Variants in CUX2 observed in about 807,000 individuals in gnomAD.
CUX2 encodes homeobox protein cut-like 2.
CUX2 carries 40 observed loss-of-function variants against 144.8 expected under a neutral mutation model. The observed-to-expected ratio is 0.28, with a 90% CI of 0.21 to 0.36. CUX2 has a LOEUF of 0.36. Among genes scored for constraint, CUX2 ranks in the 10% least tolerant of loss-of-function variants. CUX2 has a pLI of 1.00. For synonymous variants in CUX2, 827 were observed against 875.6 expected (o/e 0.94, Z 0.98); for missense variants, 1,615 against 1,994.0 (o/e 0.81, Z 3.62).
rs116354500 is a variant in CUX2 at position 111,221,231 on chromosome 12, G to A, written c.222+3294G>A. On this transcript the variant is annotated intron_variant, in intron 3 of 21. Coordinates refer to ENST00000261726, the MANE Select transcript of CUX2 (RefSeq NM_015267.4). ...TACATTTGTCTGGAATTTTATTCCC[G>A]AAACCCCTGCTTTTCTCGTGATCTA... 3.6e-3 allele frequency among the ~76,000 whole-genome samples: 545 copies of A among 152,170 alleles called. 2 individuals are homozygous for A. The highest frequency in any genetic ancestry group is 0.012 in the African/African-American group (499 of 41,518).
chr12:111,269,128 G>A (rs1051052045), intron 4 of CUX2, among the ~76,000 whole-genome samples: 1 of 152,182 alleles, frequency 6.6e-6, no homozygotes, highest in African/African-American at 2.4e-5. Flanking sequence ...GAGGCATCAA[G>A]GTTCACAGTA....
intron 4 of CUX2, 74 bp from the exon 5 acceptor site, chr12:111,291,344 A>G: frequency 6.7e-7 from 1 of 1,499,220 alleles, no homozygotes; most frequent in Non-Finnish European, 8.9e-7. Flanking sequence ...GGAACCTGCC[A>G]GGCCCTGCAG....
chr12:111,296,049 C>T (rs1885968187), intron 7 of CUX2, among the ~76,000 whole-genome samples: 1 of 151,440 alleles, frequency 6.6e-6, no homozygotes, highest in Non-Finnish European at 1.5e-5. Context: ...CCCTGTCTTC[C>T]GGCCTGCCAG....
intron 4 of CUX2, among the ~76,000 whole-genome samples, chr12:111,276,887 T>C (rs1224013500): frequency 6.6e-6 from 1 of 152,226 alleles, no homozygotes; most frequent in African/African-American, 2.4e-5. Flanking sequence ...GACCTCGTGA[T>C]CTGCCCGCCT....
chr12:111,347,655 A>G lies in CUX2; in HGVS notation c.3791A>G (p.Glu1264Gly). The G allele has an allele frequency of 7.7e-7, 1 of 1,292,736 alleles. No homozygotes were observed. Among genetic ancestry groups the G allele is most frequent in the East Asian group, 4.5e-5 (1 of 22,232 alleles). 80.1% of individuals were successfully genotyped at this position (1,292,736 alleles called of 1,614,324 possible). A position where few individuals can be genotyped will look rare whatever the true frequency, so the allele number is the denominator to read the frequency against. ...PDPTPQSPDS[E>G]TEDQKPTVKE... Reference sequence around the variant, plus strand: ...CCCACCCCGCAGAGCCCTGACTCTGAGACTGAGGACCAGAAGCCAACCGTG... The same window carrying G: ...CCCACCCCGCAGAGCCCTGACTCTGGGACTGAGGACCAGAAGCCAACCGTG... The change falls in exon 22 of 22, where the codon GAG becomes GGG. Residue 1264 changes from glutamate to glycine, a missense_variant. Glu to Gly is a moderately conservative substitution (Grantham distance 98). This residue lies in a region of CUX2 where 298 missense variants were observed against 330.4 expected (regional missense o/e 0.90). Coordinates refer to ENST00000261726, the MANE Select transcript of CUX2 (RefSeq NM_015267.4).
intron 4 of CUX2, among the ~76,000 whole-genome samples, chr12:111,284,338 C>T (rs1367786271): frequency 2.0e-5 from 3 of 152,164 alleles, no homozygotes; most frequent in African/African-American, 7.2e-5. Context: ...CCGAGGGCAG[C>T]CATACGACTT....
intron 16 of CUX2, among the ~76,000 whole-genome samples, chr12:111,316,142 CTTT>C (rs201009821): frequency 4.5e-5 from 6 of 132,054 alleles, no homozygotes; most frequent in African/African-American, 2.9e-5. Context: ...TAAAATTAAG[CTTT>C]TTTTTTTTTT....
intron 1 of CUX2, among the ~76,000 whole-genome samples, chr12:111,099,281 T>C (rs1360372919): frequency 2.0e-5 from 3 of 152,196 alleles, no homozygotes; most frequent in Non-Finnish European, 4.4e-5. Context: ...AAATCACTGT[T>C]CAGAGTGCCT....
At chr12:111,104,015 G>A (rs1315892063) in intron 1 of CUX2, among the ~76,000 whole-genome samples, 2 of 152,162 alleles carry the variant, frequency 1.3e-5, no homozygotes, top group South Asian at 2.1e-4. Context: ...AAGCCGTTCC[G>A]ACCACCTGGA....
At position 111,259,793 on chromosome 12, in the gene CUX2, CAAAAAAA is replaced by C. The variant is rs770448329; in HGVS notation, c.223-3956_223-3950del. The stretch of plus-strand genomic sequence containing the variant: ...TGGGTGACAAAGTGAGACTCTGTCT[CAAAAAAA>C]AAAAAAAAAAAGAAATTAAGAAGTG... On this transcript the variant is annotated intron_variant, in intron 3 of 21. Coordinates refer to ENST00000261726, the MANE Select transcript of CUX2 (RefSeq NM_015267.4). Among the ~76,000 whole-genome samples the C allele has an allele frequency of 8.1e-5, 6 of 74,272 alleles. No individual in the cohort carries two copies. In the South Asian group the frequency reaches 3.4e-3, roughly 43 times the overall value. The allele number at this position is 74,272 out of a possible 152,430, so 48.7% of individuals were successfully genotyped here.
At chr12:111,159,926 G>A (rs1877641195) in intron 1 of CUX2, among the ~76,000 whole-genome samples, 1 of 152,226 alleles carries the variant, frequency 6.6e-6, no homozygotes, top group Admixed American at 6.5e-5. Context: ...TCTGGAGGCT[G>A]AGGCAGGAGA....
rs557663751 is a variant in CUX2 at position 111,259,823 on chromosome 12, G to A, written c.223-3938G>A. Among the ~76,000 whole-genome samples the A allele has an allele frequency of 2.0e-5, 3 of 150,444 alleles. No individual in the cohort carries two copies. The East Asian group carries it at 5.8e-4, about 29-fold the overall frequency. On this transcript the variant is annotated intron_variant, in intron 3 of 21. Coordinates refer to ENST00000261726, the MANE Select transcript of CUX2 (RefSeq NM_015267.4). ...AAAAAAAAAAAAAAGAAATTAAGAA[G>A]TGGGTGAATTTAATTTTAATAATAT...
At chr12:111,180,059 A>C (rs539795372) in intron 1 of CUX2, among the ~76,000 whole-genome samples, 2 of 152,034 alleles carry the variant, frequency 1.3e-5, no homozygotes, top group South Asian at 4.2e-4. Context: ...GCTCCACTGC[A>C]TCCCTGGCAG....
At chr12:111,280,596 A>T (rs552219016) in intron 4 of CUX2, among the ~76,000 whole-genome samples, 1 of 152,308 alleles carries the variant, frequency 6.6e-6, no homozygotes, top group South Asian at 2.1e-4. Flanking sequence ...GAAGCCCCAC[A>T]TCAAGATGTC....
chr12:111,047,461 A>G (rs1343734862), intron 1 of CUX2, among the ~76,000 whole-genome samples: 1 of 151,888 alleles, frequency 6.6e-6, no homozygotes, highest in Non-Finnish European at 1.5e-5. Context: ...CAGACCTTAT[A>G]CTCATTGCTC....
chr12:111,277,748 G>A lies in CUX2; in HGVS notation c.302-13670G>A, dbSNP rs1003116426. 6.6e-5 allele frequency among the ~76,000 whole-genome samples: 10 copies of A among 152,220 alleles called. No homozygotes were observed. The highest frequency in any genetic ancestry group is 1.9e-4 in the East Asian group (1 of 5,200). ...GCAACTGAAGAAATGCTGTCAACAC[G>A]TAGTGGACTGGTGGCTAAATGACGA... On this transcript the variant is annotated intron_variant, in intron 4 of 21. Transcript: ENST00000261726. The surrounding 1 kb of genome is among the most constrained non-coding windows in gnomAD (Gnocchi z 5.0).
chr12:111,167,447 C>G (rs1878220003), intron 1 of CUX2, among the ~76,000 whole-genome samples: 1 of 152,186 alleles, frequency 6.6e-6, no homozygotes, highest in African/African-American at 2.4e-5. Flanking sequence ...TCTGTAATGC[C>G]TAGCCCAGAG....
At chr12:111,201,267 C>T (rs1880568896) in intron 1 of CUX2, among the ~76,000 whole-genome samples, 1 of 152,168 alleles carries the variant, frequency 6.6e-6, no homozygotes, top group South Asian at 2.1e-4. Flanking sequence ...CTCTGCCAGC[C>T]TCTAGGCTCA....
At chr12:111,073,931 G>C (rs1197464093) in intron 1 of CUX2, among the ~76,000 whole-genome samples, 1 of 151,872 alleles carries the variant, frequency 6.6e-6, no homozygotes, top group Non-Finnish European at 1.5e-5. Context: ...ACTCCAGCCT[G>C]GGGGACAGAG....
Sources: gnomAD v4.1 joint callset for allele counts (sites outside exome capture counted in the v4.1 genomes callset) on GRCh38, gnomAD v4.1.1 for gene constraint, gnomAD v4.1.1 regional missense constraint, Gnocchi (gnomAD v3.1) non-coding constraint, MANE v1.5 for transcripts, NCBI Gene and HGNC (gene_info 2026-07-23, HGNC 2026-07-21) for gene names.